Variants in SLC7A10 observed in about 807,000 individuals in gnomAD.
The protein encoded by SLC7A10 is solute carrier family 7 member 10.
A neutral mutation model predicts 52.7 loss-of-function variants in SLC7A10; 30 were observed. The ratio of observed to expected loss-of-function variants is 0.57; its 90% CI spans 0.43 to 0.77. The LOEUF is 0.77. SLC7A10 is among the 30% of genes least tolerant of loss of function. SLC7A10 has a pLI of 0.00. For synonymous variants in SLC7A10, 318 were observed against 314.9 expected (o/e 1.01, Z -0.10); for missense variants, 581 against 698.5 (o/e 0.83, Z 1.90).
At chr19:33,212,768 A>C (rs1599948908) in intron 3 of SLC7A10, 83 bp downstream of exon 3, 1 of 1,605,450 alleles carries the variant, frequency 6.2e-7, no homozygotes, top group Non-Finnish European at 8.5e-7. Flanking sequence ...GGGAAATTTC[A>C]CCCCTCTGTC....
chr19:33,208,748 A>T lies in SLC7A10; in HGVS notation c.*143T>A. 2.0e-6 allele frequency: 2 copies of T among 1,004,762 alleles called. No individual in the cohort carries two copies. Among genetic ancestry groups the T allele is most frequent in the Non-Finnish European group, 2.8e-6 (2 of 702,114 alleles). 62.2% of individuals were successfully genotyped at this position (1,004,762 alleles called of 1,614,324 possible). The stretch of plus-strand genomic sequence containing the variant: ...AGACAGGAAACCCAGTCCACATTTT[A>T]GGGCTTCCTTAAACAGGCTTCTGAG... On this transcript the variant is annotated 3_prime_UTR_variant, in exon 11 of 11. Transcript: ENST00000253188. The surrounding 1 kb of genome is among the most constrained non-coding windows in gnomAD (Gnocchi z 4.7).
At position 33,210,293 on chromosome 19, in the gene SLC7A10, T is replaced by A. The variant is rs1974513741; in HGVS notation, c.1263+174A>T. ...TACACTGGGAGCATTCAAAGCTCTG[T>A]CCTCATGGGGCTGCTATGAGGAATG... On this transcript the variant is annotated intron_variant, in intron 9 of 10. Coordinates refer to ENST00000253188, the MANE Select transcript of SLC7A10 (RefSeq NM_019849.3). This position sits in a 1 kb window ranked among gnomAD's most constrained non-coding sequence, Gnocchi z 5.6. Among the ~76,000 whole-genome samples the A allele has an allele frequency of 6.6e-6, 1 of 152,154 alleles. No individual in the cohort carries two copies. The highest frequency in any genetic ancestry group is 1.5e-5 in the Non-Finnish European group (1 of 68,010).
In SLC7A10 at chr19:33,211,343, T is replaced by C. The variant is rs775178584; in HGVS notation, c.913-15A>G. ...TCCCCGAAGGTCTGGGTGGGCACAGTAGAGAGGCCATGTGTAAGGCCGGGG... is the reference window on the plus strand; with the variant it reads ...TCCCCGAAGGTCTGGGTGGGCACAGCAGAGAGGCCATGTGTAAGGCCGGGG... On this transcript the variant is annotated splice_polypyrimidine_tract_variant and intron_variant, in intron 6 of 10. Coordinates refer to ENST00000253188, the MANE Select transcript of SLC7A10 (RefSeq NM_019849.3). The C allele has an allele frequency of 1.2e-6, 2 of 1,613,288 alleles. No homozygotes were observed. Among genetic ancestry groups the C allele is most frequent in the Non-Finnish European group, 8.5e-7 (1 of 1,179,812 alleles).
At position 33,225,771 on chromosome 19, in the gene SLC7A10, G is replaced by C; in HGVS notation, c.-68C>G. 7.0e-7 allele frequency: 1 copy of C among 1,435,628 alleles called. No homozygotes were observed. Among genetic ancestry groups the C allele is most frequent in the Non-Finnish European group, 9.1e-7 (1 of 1,099,206 alleles). 88.9% of individuals were successfully genotyped at this position (1,435,628 alleles called of 1,614,324 possible). On this transcript the variant is annotated 5_prime_UTR_variant, in exon 1 of 11. Transcript: ENST00000253188. The stretch of plus-strand genomic sequence containing the variant: ...TGTCCGGCCGGCCGCCCGTCGGTCC[G>C]TCGGTCCGTGAGCTCACGGCCCTCG...
Position 33,219,343 on chromosome 19 carries a change from G to A in SLC7A10, c.152-3370C>T, listed in dbSNP as rs75533591. Reference sequence around the variant, plus strand: ...GAAAGGGCCATTGTTCCCCGTGGCCGCTGCGGTGCATGCTGACCTATTTCT... The same window carrying A: ...GAAAGGGCCATTGTTCCCCGTGGCCACTGCGGTGCATGCTGACCTATTTCT... On this transcript the variant is annotated intron_variant, in intron 1 of 10. Transcript: ENST00000253188. Among the ~76,000 whole-genome samples, 447 of 152,348 alleles carry A rather than the reference G, an allele frequency of 2.9e-3. 3 individuals carry two copies. Among genetic ancestry groups the A allele is most frequent in the Non-Finnish European group, 4.8e-3 (324 of 68,038 alleles).
chr19:33,217,580 G>C (rs935352097), intron 1 of SLC7A10, among the ~76,000 whole-genome samples: 1 of 149,850 alleles, frequency 6.7e-6, no homozygotes, highest in Non-Finnish European at 1.5e-5. Flanking sequence ...GTAGGTCCTG[G>C]TAGGACCAAC....
chr19:33,217,070 T>C (rs1471263632), intron 1 of SLC7A10, among the ~76,000 whole-genome samples: 1 of 151,712 alleles, frequency 6.6e-6, no homozygotes, highest in Non-Finnish European at 1.5e-5. Flanking sequence ...AGAGACAGGT[T>C]CTCACTATAT....
At chr19:33,211,660 A>C in intron 5 of SLC7A10, 123 bp from the exon 6 acceptor site, 1 of 1,563,382 alleles carries the variant, frequency 6.4e-7, no homozygotes, top group South Asian at 1.1e-5. Flanking sequence ...TGGGGCAGGA[A>C]AGGGGGCAGC....
chr19:33,218,687 T>TCTTTCTTTCTTTCTTTC lies in SLC7A10; in HGVS notation c.152-2715_152-2714insGAAAGAAAGAAAGAAAG, dbSNP rs1318192191. Among the ~76,000 whole-genome samples the TCTTTCTTTCTTTCTTTC allele has an allele frequency of 1.2e-3, 105 of 85,740 alleles. 1 individual carries two copies. Among genetic ancestry groups the TCTTTCTTTCTTTCTTTC allele is most frequent in the Middle Eastern group, 5.4e-3 (1 of 186 alleles). The allele number at this position is 85,740 out of a possible 152,430, so 56.2% of individuals were successfully genotyped here. ...TTTCTTTCTTTCTTTCTTTCTTTTT[T>TCTTTCTTTCTTTCTTTC]TTTTTTTTTTAGTAGAGATGGGGTT... On this transcript the variant is annotated intron_variant, in intron 1 of 10. Coordinates refer to ENST00000253188, the MANE Select transcript of SLC7A10 (RefSeq NM_019849.3).
rs372253689 is a variant in SLC7A10, at chr19:33,212,595, G to A, written c.553C>T (p.Arg185Cys). The change falls in exon 4 of 11, where the codon CGC becomes TGC. Residue 185 changes from arginine to cysteine, a missense_variant. Transcript: ENST00000253188. ...CCGCCTGTGAACATGTCCTGGATGC[G>A]CGTGGCCCAGCGCACACTGGAGCTG... is the stretch of plus-strand genomic sequence containing the variant. Reference protein sequence around the residue: ...VNSSSVRWATRIQDMFTGGKL... With the variant: ...VNSSSVRWATCIQDMFTGGKL... 8.6e-5 allele frequency: 139 copies of A among 1,613,922 alleles called. 1 individual carries two copies. The South Asian group carries it at 1.2e-3, about 14-fold the overall frequency.
At position 33,209,127 on chromosome 19, in the gene SLC7A10, C is replaced by T. The variant is rs1599943281; in HGVS notation, c.1442-106G>A. On this transcript the variant is annotated intron_variant, in intron 10 of 10. Transcript: ENST00000253188. The stretch of plus-strand genomic sequence containing the variant: ...AGGGGTCTTCAGGGAGTTGCTCCGT[C>T]GGTACCCGTGGTTCTGGAAACTTTG... 23 of 1,570,162 alleles carry T rather than the reference C, an allele frequency of 1.5e-5. No homozygotes were observed. In the South Asian group the frequency reaches 1.5e-4, roughly 10 times the overall value.
At chr19:33,215,497 A>G (rs1160838217) in intron 2 of SLC7A10, among the ~76,000 whole-genome samples, 2 of 150,470 alleles carry the variant, frequency 1.3e-5, no homozygotes, top group Non-Finnish European at 3.0e-5. Flanking sequence ...AGAGAGGCCC[A>G]GGGGCCTGCA....
chr19:33,209,368 G>GC lies in SLC7A10; in HGVS notation c.1380dup (p.Pro461AlafsTer68), dbSNP rs1308041082. 3 of 1,614,054 alleles carry GC rather than the reference G, an allele frequency of 1.9e-6. No individual in the cohort carries two copies. The highest frequency in any genetic ancestry group is 2.5e-6 in the Non-Finnish European group (3 of 1,180,004). On this transcript the variant is annotated frameshift_variant, in exon 10 of 11. Transcript: ENST00000253188. LOFTEE classifies it high-confidence loss of function. ...CAGAACACTCCCAGAAAGAAAATGG[G>GC]CACCCCCGTAAGGATGATGATGACG...
rs1356519163 is a variant in SLC7A10 at position 33,210,526 on chromosome 19, TGAC to T, written c.1201_1203del (p.Val401del). ...CGCAGCAGCAGCAGGCCCAGGATGG[TGAC>T]GCCGTAGCAGAGGTAGTTGATGAAG... On this transcript the variant is annotated inframe_deletion, in exon 9 of 11. Transcript: ENST00000253188. The surrounding 1 kb of genome is among the most constrained non-coding windows in gnomAD (Gnocchi z 5.6). The T allele has an allele frequency of 6.2e-7, 1 of 1,610,640 alleles. No homozygotes were observed. Among genetic ancestry groups the T allele is most frequent in the Non-Finnish European group, 8.5e-7 (1 of 1,179,896 alleles).
chr19:33,215,533 G>A (rs1456120063), intron 2 of SLC7A10, among the ~76,000 whole-genome samples: 1 of 151,356 alleles, frequency 6.6e-6, no homozygotes, highest in Non-Finnish European at 1.5e-5. Flanking sequence ...CATCAGTGGG[G>A]TGGAGTGGGC....
chr19:33,211,689 G>C, intron 5 of SLC7A10, 152 bp from the exon 6 acceptor site: 3 of 1,458,248 alleles, frequency 2.1e-6, no homozygotes, highest in Non-Finnish European at 1.9e-6. Flanking sequence ...CCGAGACACA[G>C]GGACCCTGTT....
At chr19:33,222,115 G>C (rs2145493237) in intron 1 of SLC7A10, among the ~76,000 whole-genome samples, 1 of 152,304 alleles carries the variant, frequency 6.6e-6, no homozygotes, top group South Asian at 2.1e-4. Context: ...AAAGGGCACT[G>C]GGACCGGGCA....
intron 1 of SLC7A10, among the ~76,000 whole-genome samples, chr19:33,218,097 G>A (rs118154645): frequency 0.027 from 4,089 of 152,258 alleles, 75 homozygotes; most frequent in Non-Finnish European, 0.039. Flanking sequence ...CGGGGGCTGG[G>A]TGGCCTTGGA....
rs1974465929 is a variant in SLC7A10, at chr19:33,208,821, T to A, written c.*70A>T. ...TTCCAGAAAAAAACAAAACAAAACT[T>A]TTTTGCCAAAACACCTCCTCAATAA... On this transcript the variant is annotated 3_prime_UTR_variant, in exon 11 of 11. Coordinates refer to ENST00000253188, the MANE Select transcript of SLC7A10 (RefSeq NM_019849.3). This position sits in a 1 kb window ranked among gnomAD's most constrained non-coding sequence, Gnocchi z 4.7. The A allele has an allele frequency of 3.7e-6, 6 of 1,605,742 alleles. No homozygotes were observed. The highest frequency in any genetic ancestry group is 1.1e-5 in the South Asian group (1 of 89,420).
Sources: gnomAD v4.1 joint callset for allele counts (sites outside exome capture counted in the v4.1 genomes callset) on GRCh38, gnomAD v4.1.1 for gene constraint, Gnocchi (gnomAD v3.1) non-coding constraint, MANE v1.5 for transcripts, NCBI Gene and HGNC (gene_info 2026-07-23, HGNC 2026-07-21) for gene names.